The following EXOC4 variants were observed in gnomAD, a reference collection of about 807,000 sequenced individuals.
EXOC4 encodes the protein SEC8-like 1.
A neutral mutation model predicts 107.2 loss-of-function variants in EXOC4; 71 were observed. The ratio of observed to expected loss-of-function variants is 0.66; its 90% confidence interval spans 0.55 to 0.81. The LOEUF is 0.81. Ranked by LOEUF, EXOC4 falls within the 30% of genes least tolerant of loss-of-function variation. The probability of loss-of-function intolerance (pLI) is 0.00; values close to 1 mark genes in which losing one functional copy is unlikely to be tolerated. For missense variants in EXOC4, 1,108 were observed against 1,189.6 expected, an observed-to-expected ratio of 0.93 and a Z score of 1.01; for synonymous variants, 456 against 441.2, an observed-to-expected ratio of 1.03 and a Z score of -0.42.
the EXOC4 span, among the ~76,000 whole-genome samples, chr7:134,089,697 T>A: frequency 6.6e-6 from 1 of 152,232 alleles, no homozygotes; most frequent in Non-Finnish European, 1.5e-5. Flanking sequence ...TACGACATAC[T>A]TTGACTTTGT....
chr7:133,764,910 C>T (rs1476484067), intron 10 of EXOC4, among the ~76,000 whole-genome samples: 2 of 151,928 alleles, frequency 1.3e-5, no homozygotes, highest in Non-Finnish European at 1.5e-5. Flanking sequence ...CCAGTTGTGC[C>T]ACTTATTAGT....
intron 14 of EXOC4, among the ~76,000 whole-genome samples, chr7:133,988,773 G>A (rs573215845): frequency 9.9e-5 from 15 of 152,122 alleles, no homozygotes; most frequent in African/African-American, 3.4e-4. Flanking sequence ...TAAATCAAAC[G>A]GCCCAGGGTT....
intron 11 of EXOC4, among the ~76,000 whole-genome samples, chr7:133,839,438 C>T (rs1211633486): frequency 6.6e-6 from 1 of 152,184 alleles, no homozygotes; most frequent in East Asian, 1.9e-4. Flanking sequence ...GACAGTGTAG[C>T]ATATTGCTTT....
At chr7:134,068,105 CAGCCCATACTCTTGA>C (rs1175109822), downstream of EXOC4, among the ~76,000 whole-genome samples, 3 of 152,204 alleles carry the variant, frequency 2.0e-5, no homozygotes, top group African/African-American at 4.8e-5. Flanking sequence ...TGAGCTGCTA[CAGCCCATACTCTTGA>C]AACCCATCCT....
chr7:133,934,516 A>G (rs1387288875), intron 13 of EXOC4, among the ~76,000 whole-genome samples: 1 of 152,206 alleles, frequency 6.6e-6, no homozygotes, highest in African/African-American at 2.4e-5. Context: ...CGGGATAGGC[A>G]TCAAGCGCTG....
chr7:133,585,935 T>C (rs1321402579), intron 9 of EXOC4, among the ~76,000 whole-genome samples: 1 of 152,114 alleles, frequency 6.6e-6, no homozygotes, highest in African/African-American at 2.4e-5. Context: ...CCTCAAGTGA[T>C]CTGCCTGCCT....
chr7:133,564,389 C>T (rs562598999), intron 9 of EXOC4, among the ~76,000 whole-genome samples: 13 of 152,230 alleles, frequency 8.5e-5, no homozygotes, highest in Non-Finnish European at 1.3e-4. Context: ...TCCACCCCTA[C>T]GATCCAGTCA....
chr7:133,997,476 T>C lies in EXOC4; in HGVS notation c.2207-16T>C. 1 of 1,613,202 alleles carries C rather than the reference T, an allele frequency of 6.2e-7. No homozygotes were observed. Among genetic ancestry groups the C allele is most frequent in the Non-Finnish European group, 8.5e-7 (1 of 1,179,478 alleles). On this transcript the variant is annotated splice_polypyrimidine_tract_variant and intron_variant, in intron 14 of 17. Transcript: ENST00000253861. ...GCATCTAATGAAATGATTGGTGTTT[T>C]ATCCTTACCTTTCAGTGCTTTCTCC...
At chr7:133,364,488 A>T (rs1796208022) in intron 6 of EXOC4, among the ~76,000 whole-genome samples, 1 of 152,046 alleles carries the variant, frequency 6.6e-6, no homozygotes. Context: ...AAGGTCATTT[A>T]GTGGAAGTTA....
At chr7:133,565,945 C>T (rs2150954719) in intron 9 of EXOC4, among the ~76,000 whole-genome samples, 1 of 152,206 alleles carries the variant, frequency 6.6e-6, no homozygotes, top group South Asian at 2.1e-4. Flanking sequence ...GTCACATTCC[C>T]TGGGAGTTCA....
intron 11 of EXOC4, among the ~76,000 whole-genome samples, chr7:133,822,891 T>G: frequency 6.6e-6 from 1 of 152,244 alleles, no homozygotes; most frequent in Middle Eastern, 3.2e-3. Flanking sequence ...GTAGTCATTT[T>G]TTAAAAAGTA....
At chr7:133,354,987 G>C (rs1345603994) in intron 5 of EXOC4, among the ~76,000 whole-genome samples, 2 of 152,114 alleles carry the variant, frequency 1.3e-5, no homozygotes, top group Non-Finnish European at 2.9e-5. Context: ...CTCCTTAAGA[G>C]CGTTTTATAA....
intron 17 of EXOC4, among the ~76,000 whole-genome samples, chr7:134,027,639 A>G (rs1212861192): frequency 7.5e-6 from 1 of 133,808 alleles, no homozygotes; most frequent in Non-Finnish European, 1.6e-5. Context: ...GCCTGGCGAC[A>G]GAGAGAGACT....
intron 5 of EXOC4, among the ~76,000 whole-genome samples, chr7:133,343,433 C>T (rs1214260993): frequency 6.6e-6 from 1 of 152,068 alleles, no homozygotes; most frequent in Non-Finnish European, 1.5e-5. Context: ...ACCACCACCA[C>T]ACCTGGCTAA....
chr7:133,455,127 T>G (rs764558490), intron 7 of EXOC4, among the ~76,000 whole-genome samples: 2 of 151,904 alleles, frequency 1.3e-5, no homozygotes, highest in Admixed American at 1.3e-4. Flanking sequence ...AAGTTATAAA[T>G]TAGAGTGAGA....
chr7:134,064,402 C>T lies in EXOC4; in HGVS notation c.2799C>T (p.His933=), dbSNP rs1481074422. The T allele has an allele frequency of 1.2e-6, 2 of 1,606,816 alleles. No homozygotes were observed. The highest frequency in any genetic ancestry group is 2.2e-5 in the East Asian group (1 of 44,486). The part of the protein sequence containing the change: ...LEYIHALTLL[H]RSQTGVGELT... The stretch of plus-strand genomic sequence containing the variant: ...ACATCCACGCTCTGACCCTGCTGCA[C>T]CGCAGCCAGACTGGGGTGGGGGAAC... The change falls in exon 18 of 18, where the codon CAC becomes CAT. Residue 933 remains histidine (H), a synonymous_variant. Coordinates refer to ENST00000253861, the MANE Select transcript of EXOC4 (RefSeq NM_021807.4).
Position 133,812,999 on chromosome 7 carries a change from GT to G in EXOC4, c.1515-4322del, listed in dbSNP as rs1227108437. 3.3e-5 allele frequency among the ~76,000 whole-genome samples: 5 copies of G among 152,070 alleles called. No individual in the cohort carries two copies. In the East Asian group the frequency reaches 9.6e-4, roughly 29 times the overall value. ...ATTTCTCTTTCATTCTCACCCACAT[GT>G]TTTGTGCTTCTGTACAGGGAGGTCC... On this transcript the variant is annotated intron_variant, in intron 10 of 17. Coordinates refer to ENST00000253861, the MANE Select transcript of EXOC4 (RefSeq NM_021807.4).
chr7:134,011,515 G>A (rs2116365634), intron 17 of EXOC4, among the ~76,000 whole-genome samples: 1 of 150,858 alleles, frequency 6.6e-6, no homozygotes, highest in East Asian at 1.9e-4. Flanking sequence ...GGTTTTTTTT[G>A]GACTGGTATC....
intron 10 of EXOC4, among the ~76,000 whole-genome samples, chr7:133,725,331 A>C (rs1795192629): frequency 6.6e-6 from 1 of 152,134 alleles, no homozygotes; most frequent in African/African-American, 2.4e-5. Context: ...TTTTTTTCTT[A>C]TAAAGGGCTA....
Sources: gnomAD v4.1 joint callset for allele counts (sites outside exome capture counted in the v4.1 genomes callset) on GRCh38, gnomAD v4.1.1 for gene constraint, MANE v1.5 for transcripts, NCBI Gene and HGNC (gene_info 2026-07-23, HGNC 2026-07-21) for gene names.